Variants in TGFBR3 observed in about 807,000 individuals in gnomAD.
TGFBR3 encodes the protein transforming growth factor beta receptor type 3.
TGFBR3 carries 46 observed loss-of-function variants against 87.9 expected under a neutral mutation model. The observed-to-expected ratio is 0.52, with a 90% CI of 0.41 to 0.67. TGFBR3 has a LOEUF of 0.67. Ranked by LOEUF, TGFBR3 falls within the 30% of genes least tolerant of loss-of-function variation. The pLI is 0.00. For missense variants in TGFBR3, 866 were observed against 1,041.9 expected (o/e 0.83, Z 2.32); for synonymous variants, 381 against 391.6 (o/e 0.97, Z 0.32).
chr1:91,864,681 C>T (rs997989503), intron 1 of TGFBR3, among the ~76,000 whole-genome samples: 1 of 152,198 alleles, frequency 6.6e-6, no homozygotes, highest in African/African-American at 2.4e-5. Context: ...TTGGCCACAA[C>T]TTGTACACCT....
At chr1:91,824,529 G>A (rs1429720332) in intron 2 of TGFBR3, among the ~76,000 whole-genome samples, 1 of 152,172 alleles carries the variant, frequency 6.6e-6, no homozygotes, top group African/African-American at 2.4e-5. Context: ...CCATTCAAAT[G>A]TTTATTTTCA....
chr1:91,827,051 G>C (rs1263077014), intron 2 of TGFBR3, among the ~76,000 whole-genome samples: 1 of 152,148 alleles, frequency 6.6e-6, no homozygotes, highest in Non-Finnish European at 1.5e-5. Context: ...ATTGATTCAA[G>C]CAAAGACCAC....
intron 1 of TGFBR3, among the ~76,000 whole-genome samples, chr1:91,903,131 G>C (rs536183007): frequency 6.6e-6 from 1 of 151,474 alleles, no homozygotes; most frequent in South Asian, 2.1e-4. Flanking sequence ...CTGAGGTTGG[G>C]AGTTTGAGAC....
chr1:91,705,618 G>C (rs1192481296), intron 14 of TGFBR3, among the ~76,000 whole-genome samples: 2 of 152,180 alleles, frequency 1.3e-5, no homozygotes, highest in Non-Finnish European at 2.9e-5. Flanking sequence ...ATGATTTAGA[G>C]TCAAAAGAAA....
At chr1:91,839,320 T>C (rs1203798727) in intron 2 of TGFBR3, among the ~76,000 whole-genome samples, 1 of 152,194 alleles carries the variant, frequency 6.6e-6, no homozygotes, top group Admixed American at 6.5e-5. Flanking sequence ...ATTTCTTCTT[T>C]ACTATTACAC....
At position 91,805,299 on chromosome 1, in the gene TGFBR3, T is replaced by C. The variant is rs6704342; in HGVS notation, c.62-7828A>G. 7.9e-3 allele frequency among the ~76,000 whole-genome samples: 1,206 copies of C among 152,262 alleles called. 17 individuals are homozygous for C. Among genetic ancestry groups the C allele is most frequent in the African/African-American group, 0.027 (1,135 of 41,538 alleles). On this transcript the variant is annotated intron_variant, in intron 2 of 16. Coordinates refer to ENST00000212355, the MANE Select transcript of TGFBR3 (RefSeq NM_003243.5). Reference sequence around the variant, plus strand: ...GGTAGCTCCCAAAGAAATCTAACTTTTCCTTGGACTCAAAGTGTGAGCTGA... The same window carrying C: ...GGTAGCTCCCAAAGAAATCTAACTTCTCCTTGGACTCAAAGTGTGAGCTGA...
chr1:91,716,732 C>T, intron 10 of TGFBR3, 24 bp from the exon 11 acceptor site: 1 of 1,613,970 alleles, frequency 6.2e-7, no homozygotes, highest in Non-Finnish European at 8.5e-7. Context: ...AAAGCACAGC[C>T]AATGTTATAA....
intron 2 of TGFBR3, among the ~76,000 whole-genome samples, chr1:91,811,543 T>C (rs554064100): frequency 6.6e-6 from 1 of 152,280 alleles, no homozygotes; most frequent in African/African-American, 2.4e-5. Flanking sequence ...CCATGACATA[T>C]ATCAAAAAGT....
chr1:91,841,550 T>G (rs559452135), intron 2 of TGFBR3, among the ~76,000 whole-genome samples: 6 of 150,560 alleles, frequency 4.0e-5, no homozygotes, highest in Middle Eastern at 3.4e-3. Context: ...ATCCCAGCAC[T>G]TTGGGAGGCC....
chr1:91,886,752 C>T (rs1679329586), upstream of TGFBR3, among the ~76,000 whole-genome samples: 1 of 152,094 alleles, frequency 6.6e-6, no homozygotes, highest in Non-Finnish European at 1.5e-5. Context: ...CGGAGTCTTG[C>T]CTCTTCCCCT....
intron 3 of TGFBR3, among the ~76,000 whole-genome samples, chr1:91,791,874 G>A (rs1675205948): frequency 6.6e-6 from 1 of 152,214 alleles, no homozygotes; most frequent in Non-Finnish European, 1.5e-5. Context: ...TGGCCCACAG[G>A]AGACACGCAG....
chr1:91,683,937 G>T (rs910971532), intron 16 of TGFBR3, 80 bp from the exon 17 acceptor site: 3 of 1,337,392 alleles, frequency 2.2e-6, no homozygotes, highest in Non-Finnish European at 3.1e-6. Context: ...CATTTATTCC[G>T]CATTTGCCAT....
At chr1:91,844,077 G>A (rs2634033) in intron 2 of TGFBR3, among the ~76,000 whole-genome samples, 17,701 of 152,220 alleles carry the variant, frequency 0.12, 1,305 homozygotes, top group East Asian at 0.38. Flanking sequence ...CTCTAACTCT[G>A]ACATTTAGTC....
chr1:91,683,704 C>A lies in TGFBR3; in HGVS notation c.*35G>T. 1 of 1,458,942 alleles carries A rather than the reference C, an allele frequency of 6.9e-7. No homozygotes were observed. Among genetic ancestry groups the A allele is most frequent in the Non-Finnish European group, 9.1e-7 (1 of 1,094,624 alleles). The allele number at this position is 1,458,942 out of a possible 1,614,324, so 90.4% of individuals were successfully genotyped here. On this transcript the variant is annotated 3_prime_UTR_variant, in exon 17 of 17. Coordinates refer to ENST00000212355, the MANE Select transcript of TGFBR3 (RefSeq NM_003243.5). ...TTGGCAGTAGCTGAGCTGAGCTGGGCTGGGCTGGGTTGGGCCGGGTTGGGC... is the reference window on the plus strand; with the variant it reads ...TTGGCAGTAGCTGAGCTGAGCTGGGATGGGCTGGGTTGGGCCGGGTTGGGC...
chr1:91,885,102 A>G (rs527800018), intron 1 of TGFBR3, among the ~76,000 whole-genome samples: 2 of 152,348 alleles, frequency 1.3e-5, no homozygotes, highest in Non-Finnish European at 2.9e-5. Flanking sequence ...AAGTACTACT[A>G]TCCTCACTTC....
At chr1:91,823,131 G>C (rs1400035739) in intron 2 of TGFBR3, among the ~76,000 whole-genome samples, 1 of 152,102 alleles carries the variant, frequency 6.6e-6, no homozygotes, top group Non-Finnish European at 1.5e-5. Flanking sequence ...TGTTAAGGGA[G>C]CCTGGAGGGG....
chr1:91,817,793 C>T (rs1056143690), intron 2 of TGFBR3, among the ~76,000 whole-genome samples: 1 of 151,424 alleles, frequency 6.6e-6, no homozygotes, highest in Non-Finnish European at 1.5e-5. Context: ...TCAACCTTGA[C>T]TTGGTGCGCT....
At chr1:91,817,503 T>C (rs1556192) in intron 2 of TGFBR3, among the ~76,000 whole-genome samples, 37,529 of 152,154 alleles carry the variant, frequency 0.25, 5,690 homozygotes, top group Middle Eastern at 0.35. Context: ...GAAGTGCTTG[T>C]TTGTTTGTTT....
intron 2 of TGFBR3, among the ~76,000 whole-genome samples, chr1:91,813,079 C>T (rs1377990045): frequency 6.6e-6 from 1 of 152,168 alleles, no homozygotes; most frequent in African/African-American, 2.4e-5. Context: ...GGCTCCCCAA[C>T]CCATCCACAG....
Sources: gnomAD v4.1 joint callset for allele counts (sites outside exome capture counted in the v4.1 genomes callset) on GRCh38, gnomAD v4.1.1 for gene constraint, MANE v1.5 for transcripts, NCBI Gene and HGNC (gene_info 2026-07-23, HGNC 2026-07-21) for gene names.